Variants in COL24A1 observed in about 807,000 individuals in gnomAD.
COL24A1 encodes the protein collagen alpha-1(XXIV) chain.
COL24A1 carries 224 observed loss-of-function variants against 253.9 expected under a neutral mutation model. That is an observed-to-expected ratio of 0.88 (90% CI 0.79 to 0.99). The LOEUF (loss-of-function observed/expected upper bound fraction) is 0.99, where lower values mean the gene tolerates loss of function less well. Among genes scored for constraint, COL24A1 ranks in the 50% least tolerant of loss-of-function variants. The pLI is 0.00. For synonymous variants in COL24A1, 685 were observed against 673.7 expected (o/e 1.02, Z -0.26); for missense variants, 2,131 against 2,068.5 (o/e 1.03, Z -0.59).
At chr1:86,023,719 A>T (rs1441584774) in intron 14 of COL24A1, among the ~76,000 whole-genome samples, 1 of 152,186 alleles carries the variant, frequency 6.6e-6, no homozygotes, top group Non-Finnish European at 1.5e-5. Flanking sequence ...AGAGACTTAG[A>T]AAAAACTTCA....
intron 20 of COL24A1, among the ~76,000 whole-genome samples, chr1:85,987,051 A>G (rs912402626): frequency 6.6e-6 from 1 of 151,902 alleles, no homozygotes; most frequent in Non-Finnish European, 1.5e-5. Flanking sequence ...AAGGCCTAGA[A>G]CGTTGCTTTA....
intron 24 of COL24A1, among the ~76,000 whole-genome samples, chr1:85,948,579 T>C (rs1370016625): frequency 6.7e-6 from 1 of 149,996 alleles, no homozygotes; most frequent in African/African-American, 2.4e-5. Flanking sequence ...GTTTCTTATA[T>C]TATAAATATT....
In COL24A1 at chr1:85,784,157, C is replaced by T. The variant is rs191593722; in HGVS notation, c.4177G>A (p.Gly1393Ser). 3 of 1,613,642 alleles carry T rather than the reference C, an allele frequency of 1.9e-6. No homozygotes were observed. The highest frequency in any genetic ancestry group is 4.5e-5 in the East Asian group (2 of 44,860). Residue 1393 changes from glycine to serine, a missense_variant, in exon 50 of 60, where the codon GGT becomes AGT. By Grantham distance (56) the Gly-to-Ser change is moderately conservative. Coordinates refer to ENST00000370571, the MANE Select transcript of COL24A1 (RefSeq NM_152890.7). ...PGLKGQPGEY[G>S]VQGLTGFQGF... ...TGGAAACCTGTCAAACCTTGAACAC[C>T]ATATTCTCCCTGCAAAGTGAATTGA...
intron 37 of COL24A1, among the ~76,000 whole-genome samples, chr1:85,865,686 C>T (rs901875441): frequency 6.6e-6 from 1 of 152,106 alleles, no homozygotes; most frequent in African/African-American, 2.4e-5. Flanking sequence ...TCTTAGGATT[C>T]TGCTAGAGAA....
At chr1:86,070,994 T>A (rs1256104351) in intron 7 of COL24A1, among the ~76,000 whole-genome samples, 1 of 151,984 alleles carries the variant, frequency 6.6e-6, no homozygotes, top group Admixed American at 6.6e-5. Flanking sequence ...AGTGGAAAGA[T>A]TAAATGAAAA....
At chr1:86,111,149 A>C (rs1446673385) in intron 5 of COL24A1, among the ~76,000 whole-genome samples, 1 of 148,780 alleles carries the variant, frequency 6.7e-6, no homozygotes, top group East Asian at 2.0e-4. Flanking sequence ...GGGGACTTAG[A>C]GAACTTTTAT....
chr1:86,060,851 ATATG>A (rs1439829826), intron 8 of COL24A1, among the ~76,000 whole-genome samples: 1 of 151,926 alleles, frequency 6.6e-6, no homozygotes, highest in African/African-American at 2.4e-5. Flanking sequence ...TTCAGAAACC[ATATG>A]TATGTATTAA....
intron 37 of COL24A1, among the ~76,000 whole-genome samples, chr1:85,857,561 T>C (rs2102403567): frequency 6.6e-6 from 1 of 150,800 alleles, no homozygotes; most frequent in Non-Finnish European, 1.5e-5. Flanking sequence ...TGAGGGAAGA[T>C]TACCCTGTCC....
intron 37 of COL24A1, among the ~76,000 whole-genome samples, chr1:85,865,201 A>C (rs535860854): frequency 6.6e-6 from 1 of 151,528 alleles, no homozygotes; most frequent in Non-Finnish European, 1.5e-5. Flanking sequence ...TCTCTTTCTT[A>C]TTTATTTTGT....
At chr1:85,777,914 CT>C (rs1371030294) in intron 52 of COL24A1, among the ~76,000 whole-genome samples, 1 of 151,894 alleles carries the variant, frequency 6.6e-6, no homozygotes, top group Non-Finnish European at 1.5e-5. Flanking sequence ...TGGATTTGTT[CT>C]TTTTTTCTCC....
chr1:85,786,579 G>T, intron 47 of COL24A1, 118 bp from the exon 48 acceptor site: 1 of 660,102 alleles, frequency 1.5e-6, no homozygotes, highest in Non-Finnish European at 2.4e-6. Flanking sequence ...TACTGCCCAG[G>T]AGTTATCCTG....
intron 55 of COL24A1, among the ~76,000 whole-genome samples, chr1:85,747,474 T>C (rs1413020339): frequency 6.6e-6 from 1 of 152,124 alleles, no homozygotes; most frequent in African/African-American, 2.4e-5. Flanking sequence ...CATGTGTCAA[T>C]TGCTTTAAAA....
At chr1:86,055,545 C>T (rs904400749) in intron 10 of COL24A1, among the ~76,000 whole-genome samples, 3 of 152,134 alleles carry the variant, frequency 2.0e-5, no homozygotes, top group Non-Finnish European at 4.4e-5. Context: ...GATGACAAAA[C>T]GCAGTAAGAG....
rs1667263075 is a variant in COL24A1 at position 85,765,453 on chromosome 1, C to CTT, written c.4375-3888_4375-3887insAA. Among the ~76,000 whole-genome samples the CTT allele has an allele frequency of 8.6e-5, 13 of 150,792 alleles. No homozygotes were observed. In the South Asian group the frequency reaches 1.3e-3, roughly 15 times the overall value. ...GGTATAGTGACTCATGCCTGTAATT[C>CTT]TGGGGCTTTGGGAGGCAGAGGCCAG... On this transcript the variant is annotated intron_variant, in intron 53 of 59. Coordinates refer to ENST00000370571, the MANE Select transcript of COL24A1 (RefSeq NM_152890.7).
chr1:86,100,156 G>T (rs1054737282), intron 5 of COL24A1, among the ~76,000 whole-genome samples: 1 of 151,768 alleles, frequency 6.6e-6, no homozygotes, highest in South Asian at 2.1e-4. Context: ...AATAGAATTG[G>T]CTCCTACTAC....
In COL24A1 at chr1:85,838,639, C is replaced by T; in HGVS notation, c.3628-1G>A. The T allele has an allele frequency of 6.2e-7, 1 of 1,613,776 alleles. No individual in the cohort carries two copies. Among genetic ancestry groups the T allele is most frequent in the Non-Finnish European group, 8.5e-7 (1 of 1,179,740 alleles). ...TCTCTCCTTGGTCCCCCACTGGACC[C>T]TACAGAGACCACACACAAAACAATC... is the stretch of plus-strand genomic sequence containing the variant. On this transcript the variant is annotated splice_acceptor_variant, in intron 42 of 59. Transcript: ENST00000370571. LOFTEE classifies it high-confidence loss of function.
In COL24A1 at chr1:86,057,993, C is replaced by T; in HGVS notation, c.1807-18G>A. ...GCTAAACCCTGGTGTAAACAAAAGA[C>T]ATTGTCATCATACTACAGTACTTTT... On this transcript the variant is annotated intron_variant, in intron 9 of 59. Coordinates refer to ENST00000370571, the MANE Select transcript of COL24A1 (RefSeq NM_152890.7). 6.2e-7 allele frequency: 1 copy of T among 1,607,216 alleles called. No homozygotes were observed. Among genetic ancestry groups the T allele is most frequent in the Non-Finnish European group, 8.5e-7 (1 of 1,175,020 alleles).
intron 3 of COL24A1, 88 bp downstream of exon 3, chr1:86,124,757 T>G: frequency 9.9e-7 from 1 of 1,008,756 alleles, no homozygotes; most frequent in South Asian, 1.9e-5. Flanking sequence ...TATTGTTTGG[T>G]CCAGAGAACT....
chr1:85,737,827 G>A (rs564959442), intron 57 of COL24A1, among the ~76,000 whole-genome samples: 1 of 143,468 alleles, frequency 7.0e-6, no homozygotes, highest in East Asian at 2.1e-4. Flanking sequence ...ACCTCCCAAA[G>A]TGTTGGGATT....
Sources: gnomAD v4.1 joint callset for allele counts (sites outside exome capture counted in the v4.1 genomes callset) on GRCh38, gnomAD v4.1.1 for gene constraint, MANE v1.5 for transcripts, NCBI Gene and HGNC (gene_info 2026-07-23, HGNC 2026-07-21) for gene names.